Variants in ESYT3 observed in about 807,000 individuals in gnomAD.
ESYT3 encodes the protein extended synaptotagmin-3.
In ESYT3, 101 loss-of-function variants were observed where a neutral mutation model predicts 111.5. The ratio of observed to expected loss-of-function variants is 0.91; its 90% confidence interval spans 0.77 to 1.07. The LOEUF is 1.07. ESYT3 is among the 50% of genes least tolerant of loss of function. The pLI, the probability that ESYT3 is intolerant of heterozygous loss-of-function variation, is 0.00. For missense variants in ESYT3, 1,097 were observed against 1,109.4 expected (o/e 0.99, Z 0.16); for synonymous variants, 416 against 446.8 (o/e 0.93, Z 0.87).
intron 11 of ESYT3, 94 bp from the exon 12 acceptor site, chr3:138,468,011 A>T: frequency 9.0e-7 from 1 of 1,109,076 alleles, no homozygotes; most frequent in Non-Finnish European, 1.4e-6. Flanking sequence ...CCCTGTCCCT[A>T]CTAGGATGCC....
chr3:138,468,694 T>C lies in ESYT3; in HGVS notation c.1348T>C (p.Leu450=). Residue 450 remains leucine (L), a synonymous_variant, in exon 13 of 23, where the codon TTG becomes CTG. Transcript: ENST00000389567. ...GLSTAILVVF[L]ESACNLPRNP... ...TTCCACTGCCATTCTCGTGGTCTTC[T>C]TGGAGAGTGCCTGCAACTTGCCGGT... 1 of 1,614,182 alleles carries C rather than the reference T, an allele frequency of 6.2e-7. No homozygotes were observed. The highest frequency in any genetic ancestry group is 8.5e-7 in the Non-Finnish European group (1 of 1,180,036).
chr3:138,437,480 G>A (rs539564867), intron 1 of ESYT3, among the ~76,000 whole-genome samples: 315 of 152,322 alleles, frequency 2.1e-3, no homozygotes, highest in Middle Eastern at 3.4e-3. Flanking sequence ...GGGAGGTGGT[G>A]AGCACAGCAT....
chr3:138,437,009 C>T (rs2030756574), intron 1 of ESYT3, among the ~76,000 whole-genome samples: 1 of 152,082 alleles, frequency 6.6e-6, no homozygotes, highest in East Asian at 1.9e-4. Flanking sequence ...GTTGGGGATA[C>T]AGACCCCAGG....
At position 138,457,678 on chromosome 3, in the gene ESYT3, G is replaced by A. The variant is rs201636267; in HGVS notation, c.581+34G>A. 4 of 1,604,720 alleles carry A rather than the reference G, an allele frequency of 2.5e-6. No homozygotes were observed. In the South Asian group the frequency reaches 3.3e-5, roughly 13 times the overall value. On this transcript the variant is annotated intron_variant, in intron 4 of 22. Transcript: ENST00000389567. ...TATCGGGCTGGGTATGGGCTTCGGGGTGCAGGGGACACAGTGGGAACAGCC... is the reference window on the plus strand; with the variant it reads ...TATCGGGCTGGGTATGGGCTTCGGGATGCAGGGGACACAGTGGGAACAGCC...
chr3:138,469,351 G>T, intron 14 of ESYT3, 85 bp from the exon 15 acceptor site: 1 of 1,216,596 alleles, frequency 8.2e-7, no homozygotes. Context: ...AGTTCCCCCA[G>T]ATGCTCCTGG....
rs1381544743 is a variant in ESYT3 at position 138,440,262 on chromosome 3, G to C, written c.327+5137G>C. Among the ~76,000 whole-genome samples, 1 of 152,232 alleles carries C rather than the reference G, an allele frequency of 6.6e-6. No individual in the cohort carries two copies. The highest frequency in any genetic ancestry group is 1.5e-5 in the Non-Finnish European group (1 of 68,050). On this transcript the variant is annotated intron_variant, in intron 1 of 22. Coordinates refer to ENST00000389567, the MANE Select transcript of ESYT3 (RefSeq NM_031913.5). This position sits in a 1 kb window ranked among gnomAD's most constrained non-coding sequence, Gnocchi z 4.2. Reference sequence around the variant, plus strand: ...CACAAAGCGATGGGCATTCTGAGGCGCAGAGCAGTGGTCCCTGGGATTGCT... The same window carrying C: ...CACAAAGCGATGGGCATTCTGAGGCCCAGAGCAGTGGTCCCTGGGATTGCT...
At chr3:138,476,171 C>T in intron 20 of ESYT3, 52 bp from the exon 21 acceptor site, 1 of 1,238,394 alleles carries the variant, frequency 8.1e-7, no homozygotes, top group Non-Finnish European at 1.2e-6. Context: ...TTTAGATTTT[C>T]AAGAAAACTG....
chr3:138,452,648 C>A (rs895845172), intron 2 of ESYT3, among the ~76,000 whole-genome samples: 1 of 152,178 alleles, frequency 6.6e-6, no homozygotes, highest in Non-Finnish European at 1.5e-5. Flanking sequence ...CTTGGCCGAG[C>A]CCTCCCCAGC....
Position 138,440,052 on chromosome 3 carries a change from T to A in ESYT3, c.327+4927T>A, listed in dbSNP as rs2031024240. On this transcript the variant is annotated intron_variant, in intron 1 of 22. Transcript: ENST00000389567. This position sits in a 1 kb window ranked among gnomAD's most constrained non-coding sequence, Gnocchi z 4.2. ...CTGAAAATCATGACATTTTAGGAGATGTTCTATAGAGTCTTCATAGCTGTA... is the reference window on the plus strand; with the variant it reads ...CTGAAAATCATGACATTTTAGGAGAAGTTCTATAGAGTCTTCATAGCTGTA... 1.3e-5 allele frequency among the ~76,000 whole-genome samples: 2 copies of A among 152,140 alleles called. No individual in the cohort carries two copies. Among genetic ancestry groups the A allele is most frequent in the Admixed American group, 1.3e-4 (2 of 15,268 alleles).
At chr3:138,476,679 A>C (rs1173573499) in intron 22 of ESYT3, 139 bp from the exon 23 acceptor site, 1 of 1,083,788 alleles carries the variant, frequency 9.2e-7, no homozygotes, top group African/African-American at 1.6e-5. Flanking sequence ...CTTAACCCTG[A>C]ACCCTGGCTG....
In ESYT3 at chr3:138,474,367, G is replaced by A; in HGVS notation, c.2468+15G>A. 1.3e-6 allele frequency: 2 copies of A among 1,577,380 alleles called. No homozygotes were observed. Among genetic ancestry groups the A allele is most frequent in the South Asian group, 1.2e-5 (1 of 83,618 alleles). ...TTTGATGAGACGTAAGTGGGCTGGTGGCCTGCCTAGAGTGCCTCACCCATT... is the reference window on the plus strand; with the variant it reads ...TTTGATGAGACGTAAGTGGGCTGGTAGCCTGCCTAGAGTGCCTCACCCATT... On this transcript the variant is annotated intron_variant, in intron 20 of 22. Transcript: ENST00000389567.
At chr3:138,463,418 A>G (rs2032756718) in intron 8 of ESYT3, among the ~76,000 whole-genome samples, 1 of 152,216 alleles carries the variant, frequency 6.6e-6, no homozygotes, top group Admixed American at 6.5e-5. Flanking sequence ...AACACTGAGT[A>G]TGTCATGAGG....
chr3:138,467,984 C>T, intron 11 of ESYT3, 121 bp from the exon 12 acceptor site: 1 of 806,370 alleles, frequency 1.2e-6, no homozygotes, highest in Non-Finnish European at 2.0e-6. Context: ...CACCTTTTCC[C>T]ATACTAGGAC....
At chr3:138,437,211 TGAG>T (rs1369660757) in intron 1 of ESYT3, among the ~76,000 whole-genome samples, 1 of 152,106 alleles carries the variant, frequency 6.6e-6, no homozygotes, top group Non-Finnish European at 1.5e-5. Flanking sequence ...TCATTGCCAT[TGAG>T]GAGAATTGGA....
intron 2 of ESYT3, among the ~76,000 whole-genome samples, chr3:138,454,505 C>T (rs1414363512): frequency 2.0e-5 from 3 of 149,802 alleles, no homozygotes; most frequent in South Asian, 2.1e-4. Context: ...TGCAGTGAGC[C>T]GAGGTCGTGC....
chr3:138,454,628 A>T (rs1209997233), intron 2 of ESYT3, among the ~76,000 whole-genome samples: 2 of 152,122 alleles, frequency 1.3e-5, no homozygotes, highest in Non-Finnish European at 2.9e-5. Context: ...CCCGCCCTCC[A>T]TTCCCCTCTG....
intron 2 of ESYT3, among the ~76,000 whole-genome samples, chr3:138,453,913 C>G (rs879781432): frequency 6.6e-6 from 1 of 152,172 alleles, no homozygotes; most frequent in East Asian, 1.9e-4. Context: ...CCTTGAACTC[C>G]TAGGCTGAAA....
intron 10 of ESYT3, among the ~76,000 whole-genome samples, chr3:138,465,700 T>C (rs1288956498): frequency 2.6e-5 from 4 of 152,194 alleles, no homozygotes; most frequent in Admixed American, 6.5e-5. Flanking sequence ...CCTGATAATA[T>C]ACCAAGTCCC....
At chr3:138,443,755 T>TGTGTGTGA (rs745761497) in intron 1 of ESYT3, among the ~76,000 whole-genome samples, 5 of 148,440 alleles carry the variant, frequency 3.4e-5, no homozygotes, top group Non-Finnish European at 5.9e-5. Flanking sequence ...TGTGTGTGTG[T>TGTGTGTGA]GACATGGCTG....
Sources: gnomAD v4.1 joint callset for allele counts (sites outside exome capture counted in the v4.1 genomes callset) on GRCh38, gnomAD v4.1.1 for gene constraint, Gnocchi (gnomAD v3.1) non-coding constraint, MANE v1.5 for transcripts, NCBI Gene and HGNC (gene_info 2026-07-23, HGNC 2026-07-21) for gene names.